The following DUSP16 variants were observed in gnomAD, a reference collection of about 807,000 sequenced individuals.
DUSP16 encodes the protein dual specificity protein phosphatase 16.
In DUSP16, 21 loss-of-function variants were observed where a neutral mutation model predicts 58.3. The ratio of observed to expected loss-of-function variants is 0.36; its 90% CI spans 0.26 to 0.52. The LOEUF is 0.52. Ranked by LOEUF, DUSP16 falls within the 20% of genes least tolerant of loss-of-function variation. DUSP16 has a pLI of 0.94. For missense variants in DUSP16, 726 were observed against 819.0 expected (o/e 0.89, Z 1.39); for synonymous variants, 320 against 323.8 (o/e 0.99, Z 0.12).
chr12:12,543,519 ATT>A (rs1168558951), intron 1 of DUSP16, among the ~76,000 whole-genome samples: 1 of 152,192 alleles, frequency 6.6e-6, no homozygotes, highest in African/African-American at 2.4e-5. Context: ...ACTTCCAATA[ATT>A]TGTCTTATAT....
At chr12:12,546,099 T>C (rs766679237) in intron 1 of DUSP16, among the ~76,000 whole-genome samples, 2 of 152,102 alleles carry the variant, frequency 1.3e-5, no homozygotes, top group Non-Finnish European at 2.9e-5. Context: ...GCAAAATAAA[T>C]GGATAATGAA....
intron 1 of DUSP16, among the ~76,000 whole-genome samples, chr12:12,551,123 A>T (rs1369676251): frequency 6.6e-6 from 1 of 151,868 alleles, no homozygotes; most frequent in Non-Finnish European, 1.5e-5. Flanking sequence ...TTTGACTAGC[A>T]GACAATTTAC....
intron 1 of DUSP16, among the ~76,000 whole-genome samples, chr12:12,556,883 T>C (rs1385065871): frequency 6.6e-6 from 1 of 152,228 alleles, no homozygotes; most frequent in Non-Finnish European, 1.5e-5. Flanking sequence ...CCTTACCCTA[T>C]TTTACCTATT....
At chr12:12,557,349 C>T (rs1408109253) in intron 1 of DUSP16, among the ~76,000 whole-genome samples, 2 of 151,074 alleles carry the variant, frequency 1.3e-5, no homozygotes, top group African/African-American at 2.4e-5. Context: ...CCCAGCTACT[C>T]GGGAGGCTGA....
chr12:12,521,300 T>C lies in DUSP16; in HGVS notation c.-202A>G. 7.0e-7 allele frequency: 1 copy of C among 1,426,590 alleles called. No homozygotes were observed. The highest frequency in any genetic ancestry group is 9.1e-7 in the Non-Finnish European group (1 of 1,093,708). 88.4% of individuals were successfully genotyped at this position (1,426,590 alleles called of 1,614,324 possible). A position where few individuals can be genotyped will look rare whatever the true frequency, so the allele number is the denominator to read the frequency against. ...CTCTTTCTCTTTCCCGTTGATGTGC[T>C]CTTGCAAAGGACTCCGTCCACAAAG... On this transcript the variant is annotated 5_prime_UTR_variant, in exon 2 of 7. Coordinates refer to ENST00000298573, the MANE Select transcript of DUSP16 (RefSeq NM_030640.3).
At chr12:12,482,719 A>T (rs888472600) in intron 5 of DUSP16, among the ~76,000 whole-genome samples, 3 of 152,160 alleles carry the variant, frequency 2.0e-5, no homozygotes, top group African/African-American at 7.2e-5. Flanking sequence ...GCTAAGGGCT[A>T]CATTTGTTTT....
At chr12:12,479,805 T>G (rs7295305) in intron 6 of DUSP16, among the ~76,000 whole-genome samples, 78,577 of 152,026 alleles carry the variant, frequency 0.52, 20,618 homozygotes, top group East Asian at 0.72. Context: ...ATATTTGCAT[T>G]TATGAGGCTT....
In DUSP16 at chr12:12,494,306, C is replaced by A. The variant is rs547240505; in HGVS notation, c.531+6213G>T. Among the ~76,000 whole-genome samples, 3 of 152,198 alleles carry A rather than the reference C, an allele frequency of 2.0e-5. No homozygotes were observed. The East Asian group carries it at 5.8e-4, about 29-fold the overall frequency. ...TTTACTTAATGTTTAAGGACATGTA[C>A]ATTTCATACAAGTTGCATGGGTTAC... is the stretch of plus-strand genomic sequence containing the variant. On this transcript the variant is annotated intron_variant, in intron 4 of 6. Transcript: ENST00000298573.
Position 12,477,042 on chromosome 12 carries a change from C to G in DUSP16, c.1789G>C (p.Val597Leu). The G allele has an allele frequency of 3.7e-6, 6 of 1,614,258 alleles. No homozygotes were observed. The highest frequency in any genetic ancestry group is 5.1e-6 in the Non-Finnish European group (6 of 1,180,040). The part of the protein sequence containing the change: ...LPTCGDQVYS[V>L]RRRQKPSDRA... ...TCACTTGGCTTCTGCCGCCTGCGCA[C>G]AGAATAGACTTGGTCTCCGCAAGTG... The change falls in exon 7 of 7, where the codon GTG becomes CTG. Residue 597 changes from valine (V) to leucine (L), a missense_variant. Transcript: ENST00000298573. This position sits in a 1 kb window ranked among gnomAD's most constrained non-coding sequence, Gnocchi z 4.1.
rs762623887 is a variant in DUSP16, at chr12:12,487,019, G to C, written c.691+9C>G. 2.5e-6 allele frequency: 4 copies of C among 1,613,624 alleles called. No individual in the cohort carries two copies. Among genetic ancestry groups the C allele is most frequent in the Non-Finnish European group, 3.4e-6 (4 of 1,179,646 alleles). On this transcript the variant is annotated intron_variant, in intron 5 of 6. Transcript: ENST00000298573. The stretch of plus-strand genomic sequence containing the variant: ...CCACAGGACCTGCAATATTATTTGA[G>C]CTACTTACCAATGAAATCTACTGAT...
chr12:12,481,857 C>T (rs1199293470), intron 5 of DUSP16, among the ~76,000 whole-genome samples: 4 of 152,126 alleles, frequency 2.6e-5, no homozygotes, highest in African/African-American at 9.7e-5. Context: ...ACGTTACTCT[C>T]AGTGTTTCCT....
chr12:12,497,036 TC>T (rs1369370753), intron 4 of DUSP16, among the ~76,000 whole-genome samples: 1 of 152,210 alleles, frequency 6.6e-6, no homozygotes, highest in Admixed American at 6.5e-5. Context: ...ATGTGACTAC[TC>T]CAAATTGAGA....
At position 12,477,245 on chromosome 12, in the gene DUSP16, G is replaced by C. The variant is rs764920091; in HGVS notation, c.1586C>G (p.Thr529Arg). Residue 529 changes from threonine to arginine, a missense_variant, in exon 7 of 7, where the codon ACG (threonine) becomes AGG (arginine). Physicochemically the swap from Thr to Arg is moderately conservative, Grantham distance 71 (BLOSUM62 -1). Coordinates refer to ENST00000298573, the MANE Select transcript of DUSP16 (RefSeq NM_030640.3). The surrounding 1 kb of genome is among the most constrained non-coding windows in gnomAD (Gnocchi z 4.1). ...CTTAAGGCCCAGGCCAGCAGACTTC[G>C]TGAGGTGCTGCTGGCTGGTGGAAAG... ...FGLSTSQQHLTKSAGLGLKGW... is the reference protein window; with the variant it reads ...FGLSTSQQHLRKSAGLGLKGW... 1 of 1,614,248 alleles carries C rather than the reference G, an allele frequency of 6.2e-7. No individual in the cohort carries two copies. Among genetic ancestry groups the C allele is most frequent in the South Asian group, 1.1e-5 (1 of 91,088 alleles).
chr12:12,507,991 C>A (rs12309339), intron 3 of DUSP16, among the ~76,000 whole-genome samples: 10,932 of 152,270 alleles, frequency 0.072, 840 homozygotes, highest in East Asian at 0.38. Context: ...ACAATCCTTT[C>A]ATTTGCTTAT....
At chr12:12,493,490 C>G (rs1943789118) in intron 4 of DUSP16, among the ~76,000 whole-genome samples, 1 of 152,168 alleles carries the variant, frequency 6.6e-6, no homozygotes, top group African/African-American at 2.4e-5. Flanking sequence ...CTGCTTGGAA[C>G]CTTCCAATGA....
At chr12:12,556,392 C>A (rs557967565) in intron 1 of DUSP16, among the ~76,000 whole-genome samples, 2 of 152,030 alleles carry the variant, frequency 1.3e-5, no homozygotes, top group Non-Finnish European at 1.5e-5. Flanking sequence ...ACCCCCATCT[C>A]TATAAAAATA....
chr12:12,495,075 T>C (rs1296399000), intron 4 of DUSP16, among the ~76,000 whole-genome samples: 1 of 152,034 alleles, frequency 6.6e-6, no homozygotes, highest in Admixed American at 6.6e-5. Context: ...ACCTGTAAAA[T>C]AAGGCTAATG....
intron 1 of DUSP16, among the ~76,000 whole-genome samples, chr12:12,558,150 C>T (rs1035445909): frequency 6.6e-6 from 1 of 152,224 alleles, no homozygotes; most frequent in Non-Finnish European, 1.5e-5. Context: ...TCCATCTCAG[C>T]ACATGTAAAC....
chr12:12,476,742 G>T lies in DUSP16; in HGVS notation c.*91C>A. 3.3e-6 allele frequency: 4 copies of T among 1,227,210 alleles called. No individual in the cohort carries two copies. The South Asian group carries it at 4.5e-5, about 14-fold the overall frequency. 76.0% of individuals were successfully genotyped at this position (1,227,210 alleles called of 1,614,324 possible). ...AGCTCCATTTTCCAAAAATATATAT[G>T]TATGTACATATATATATTTCAGATT... On this transcript the variant is annotated 3_prime_UTR_variant, in exon 7 of 7. Coordinates refer to ENST00000298573, the MANE Select transcript of DUSP16 (RefSeq NM_030640.3).
Sources: gnomAD v4.1 joint callset for allele counts (sites outside exome capture counted in the v4.1 genomes callset) on GRCh38, gnomAD v4.1.1 for gene constraint, Gnocchi (gnomAD v3.1) non-coding constraint, MANE v1.5 for transcripts, NCBI Gene and HGNC (gene_info 2026-07-23, HGNC 2026-07-21) for gene names.